Variants in PARD3 observed in about 807,000 individuals in gnomAD.
PARD3 encodes the protein partitioning defective 3 homolog.
Under a neutral mutation model 155.4 loss-of-function variants are expected in PARD3, and 75 were observed. The observed-to-expected ratio is 0.48, with a 90% CI of 0.40 to 0.58. PARD3 has a LOEUF of 0.58. Among genes scored for constraint, PARD3 ranks in the 20% least tolerant of loss-of-function variants. The pLI, the probability that PARD3 is intolerant of heterozygous loss-of-function variation, is 0.00. For synonymous variants in PARD3, 576 were observed against 610.5 expected (o/e 0.94, Z 0.83); for missense variants, 1,642 against 1,721.7 (o/e 0.95, Z 0.82).
chr10:34,686,075 C>G (rs766935161), intron 2 of PARD3, among the ~76,000 whole-genome samples: 3 of 152,124 alleles, frequency 2.0e-5, no homozygotes, highest in Non-Finnish European at 4.4e-5. Context: ...GAAATAAGAA[C>G]ACCTTAGTTA....
At chr10:34,465,031 G>A (rs1270223163) in intron 4 of PARD3, among the ~76,000 whole-genome samples, 1 of 152,172 alleles carries the variant, frequency 6.6e-6, no homozygotes, top group Non-Finnish European at 1.5e-5. Flanking sequence ...CTCCCATATA[G>A]TTTAAATGAT....
intron 23 of PARD3, among the ~76,000 whole-genome samples, chr10:34,129,907 C>T (rs1947516419): frequency 6.7e-6 from 1 of 149,452 alleles, no homozygotes; most frequent in African/African-American, 2.5e-5. Flanking sequence ...TGGGCTCGAG[C>T]AATGCTCCTG....
chr10:34,222,240 G>A (rs1417579058), intron 22 of PARD3, among the ~76,000 whole-genome samples: 1 of 152,170 alleles, frequency 6.6e-6, no homozygotes, highest in African/African-American at 2.4e-5. Context: ...AAGGGGCCCA[G>A]CATTTTCATT....
chr10:34,629,298 C>T (rs1316223032), intron 2 of PARD3, among the ~76,000 whole-genome samples: 1 of 152,236 alleles, frequency 6.6e-6, no homozygotes, highest in Non-Finnish European at 1.5e-5. Flanking sequence ...CACTCATCTA[C>T]ACCTTAGGAG....
chr10:34,812,933 G>A (rs938184529), intron 1 of PARD3, among the ~76,000 whole-genome samples: 6 of 152,146 alleles, frequency 3.9e-5, no homozygotes, highest in African/African-American at 1.4e-4. Flanking sequence ...CCAAGGCCCT[G>A]CACTCTAGCC....
At chr10:34,302,890 G>A (rs968235616) in intron 20 of PARD3, among the ~76,000 whole-genome samples, 1 of 152,014 alleles carries the variant, frequency 6.6e-6, no homozygotes, top group Non-Finnish European at 1.5e-5. Context: ...CGAGGCCCTG[G>A]AGCAGGACCT....
intron 2 of PARD3, among the ~76,000 whole-genome samples, chr10:34,541,137 C>A (rs191834046): frequency 6.6e-6 from 1 of 152,120 alleles, no homozygotes; most frequent in African/African-American, 2.4e-5. Flanking sequence ...GACAAAGCCA[C>A]GTTTCTTTTC....
chr10:34,799,745 C>A (rs562320610), intron 1 of PARD3, among the ~76,000 whole-genome samples: 59 of 151,834 alleles, frequency 3.9e-4, no homozygotes, highest in African/African-American at 1.4e-3. Flanking sequence ...AATCCCAGCA[C>A]TTTGGGGAGC....
chr10:34,317,355 A>G lies in PARD3; in HGVS notation c.2834-17T>C. On this transcript the variant is annotated splice_polypyrimidine_tract_variant and intron_variant, in intron 19 of 24. Transcript: ENST00000374788. ...CTTCTTCCACTTGGAAGGAAAGAAA[A>G]AAAAATAGGGACACAGTGAACCAAC... 2 of 1,580,978 alleles carry G rather than the reference A, an allele frequency of 1.3e-6. No homozygotes were observed. The highest frequency in any genetic ancestry group is 1.7e-6 in the Non-Finnish European group (2 of 1,169,100).
chr10:34,254,479 T>C (rs1954543627), intron 22 of PARD3, among the ~76,000 whole-genome samples: 1 of 152,192 alleles, frequency 6.6e-6, no homozygotes, highest in South Asian at 2.1e-4. Flanking sequence ...ATTGTAATTG[T>C]GTAATCAACA....
intron 1 of PARD3, among the ~76,000 whole-genome samples, chr10:34,702,183 A>G (rs1039855920): frequency 1.3e-5 from 2 of 148,816 alleles, no homozygotes; most frequent in African/African-American, 5.1e-5. Context: ...TGATAATAAA[A>G]CAATTTTAAT....
At chr10:34,639,755 A>G (rs1309192318) in intron 2 of PARD3, among the ~76,000 whole-genome samples, 1 of 152,158 alleles carries the variant, frequency 6.6e-6, no homozygotes, top group Non-Finnish European at 1.5e-5. Context: ...AGTCCCAGCT[A>G]CTTGGGAGGC....
intron 2 of PARD3, among the ~76,000 whole-genome samples, chr10:34,581,391 C>T (rs1474414524): frequency 2.0e-5 from 3 of 151,666 alleles, no homozygotes; most frequent in Admixed American, 6.6e-5. Context: ...CCTGCCACTG[C>T]GCCCGGCTAA....
intron 22 of PARD3, among the ~76,000 whole-genome samples, chr10:34,205,379 G>C (rs1357318992): frequency 1.3e-5 from 2 of 151,880 alleles, no homozygotes; most frequent in African/African-American, 2.4e-5. Flanking sequence ...AGATAGGCCG[G>C]GTGAAATGAA....
intron 12 of PARD3, among the ~76,000 whole-genome samples, chr10:34,363,197 T>C (rs1839621781): frequency 6.6e-6 from 1 of 152,220 alleles, no homozygotes; most frequent in Admixed American, 6.5e-5. Flanking sequence ...CTCATATTTT[T>C]CCTACTTGAA....
At chr10:34,137,965 G>T (rs1192478632) in intron 22 of PARD3, among the ~76,000 whole-genome samples, 1 of 152,186 alleles carries the variant, frequency 6.6e-6, no homozygotes, top group East Asian at 1.9e-4. Context: ...ACTTTAAACA[G>T]CATTATGGGG....
chr10:34,251,291 G>T (rs533889740), intron 22 of PARD3, among the ~76,000 whole-genome samples: 1 of 152,268 alleles, frequency 6.6e-6, no homozygotes, highest in South Asian at 2.1e-4. Context: ...CAATCTCTGT[G>T]GCAAACCTTT....
chr10:34,204,476 C>A lies in PARD3; in HGVS notation c.3419+65181G>T, dbSNP rs571621450. Among the ~76,000 whole-genome samples, 13 of 152,234 alleles carry A rather than the reference C, an allele frequency of 8.5e-5. No individual in the cohort carries two copies. In the South Asian group the frequency reaches 2.7e-3, roughly 32 times the overall value. On this transcript the variant is annotated intron_variant, in intron 22 of 24. Coordinates refer to ENST00000374788, the MANE Select transcript of PARD3 (RefSeq NM_001184785.2). ...TTATATACAGCGTTTTCACTTAACACCCTCCCCTTAACGACCTCCACCTTG... is the reference window on the plus strand; with the variant it reads ...TTATATACAGCGTTTTCACTTAACAACCTCCCCTTAACGACCTCCACCTTG...
At chr10:34,743,297 A>T (rs900941773) in intron 1 of PARD3, among the ~76,000 whole-genome samples, 1 of 152,208 alleles carries the variant, frequency 6.6e-6, no homozygotes, top group African/African-American at 2.4e-5. Flanking sequence ...ACTTGTCAAC[A>T]GCATTTGTCT....
Sources: gnomAD v4.1 joint callset for allele counts (sites outside exome capture counted in the v4.1 genomes callset) on GRCh38, gnomAD v4.1.1 for gene constraint, MANE v1.5 for transcripts, NCBI Gene and HGNC (gene_info 2026-07-23, HGNC 2026-07-21) for gene names.